PDE1A: variants seen among roughly 807,000 people sequenced by gnomAD.
PDE1A encodes phosphodiesterase 1A, also known as dual specificity calcium/calmodulin-dependent 3',5'-cyclic nucleotide phosphodiesterase 1A.
In PDE1A, 35 loss-of-function variants were observed where a neutral mutation model predicts 61.7. The observed-to-expected ratio is 0.57, with a 90% CI of 0.43 to 0.75. The LOEUF is 0.75. Among genes scored for constraint, PDE1A ranks in the 30% least tolerant of loss-of-function variants. The pLI, the probability that PDE1A is intolerant of heterozygous loss-of-function variation, is 0.00. For missense variants in PDE1A, 597 were observed against 630.6 expected (o/e 0.95, Z 0.57); for synonymous variants, 232 against 213.2 (o/e 1.09, Z -0.77).
chr2:182,532,542 T>G, the PDE1A span, among the ~76,000 whole-genome samples: 41 of 152,306 alleles, frequency 2.7e-4, no homozygotes, highest in Middle Eastern at 3.4e-3. Flanking sequence ...GGGGATTAAC[T>G]GTAAATGGAC....
At chr2:182,505,769 C>T (rs892465155) in intron 2 of PDE1A, among the ~76,000 whole-genome samples, 5 of 152,172 alleles carry the variant, frequency 3.3e-5, no homozygotes, top group African/African-American at 7.2e-5. Context: ...AAACAAGCTG[C>T]ATGGCCAAGA....
the PDE1A span, among the ~76,000 whole-genome samples, chr2:182,613,450 C>T: frequency 3.3e-5 from 5 of 151,682 alleles, no homozygotes; most frequent in Non-Finnish European, 5.9e-5. Context: ...GTAGTCCCAG[C>T]TACTTCGGAG....
At chr2:182,341,326 TG>T (rs1488572357) in intron 1 of PDE1A, among the ~76,000 whole-genome samples, 1 of 152,232 alleles carries the variant, frequency 6.6e-6, no homozygotes, top group Non-Finnish European at 1.5e-5. Context: ...ATCCTATTGA[TG>T]AAGTCATTTG....
the PDE1A span, among the ~76,000 whole-genome samples, chr2:182,578,114 T>G: frequency 6.6e-6 from 1 of 152,218 alleles, no homozygotes; most frequent in South Asian, 2.1e-4. Flanking sequence ...ACCATGAGCT[T>G]TGGTCTAGAA....
the PDE1A span, among the ~76,000 whole-genome samples, chr2:182,610,901 A>G: frequency 6.9e-4 from 105 of 152,376 alleles, no homozygotes; most frequent in South Asian, 2.1e-3. Flanking sequence ...AGAATAAAGT[A>G]AATTATATAA....
intron 2 of PDE1A, among the ~76,000 whole-genome samples, chr2:182,457,696 G>T (rs1472113790): frequency 1.3e-5 from 2 of 151,910 alleles, no homozygotes; most frequent in Non-Finnish European, 2.9e-5. Context: ...TTACAAAAAA[G>T]CATGTACAGA....
chr2:182,432,437 G>T (rs992648582), intron 2 of PDE1A, among the ~76,000 whole-genome samples: 10 of 151,812 alleles, frequency 6.6e-5, no homozygotes, highest in Non-Finnish European at 1.5e-4. Context: ...TGTTGTTGTT[G>T]TTGTTGTTGT....
chr2:182,710,209 C>T, the PDE1A span, among the ~76,000 whole-genome samples: 2 of 152,276 alleles, frequency 1.3e-5, no homozygotes, highest in African/African-American at 4.8e-5. Flanking sequence ...TTACCTTCTA[C>T]ATTTTTTAAA....
intron 13 of PDE1A, among the ~76,000 whole-genome samples, chr2:182,172,437 A>C (rs1692313283): frequency 6.6e-6 from 1 of 152,168 alleles, no homozygotes; most frequent in African/African-American, 2.4e-5. Context: ...TAGTTTTTAC[A>C]TTTGTAACAT....
the PDE1A span, among the ~76,000 whole-genome samples, chr2:182,671,919 G>A: frequency 6.6e-6 from 1 of 151,830 alleles, no homozygotes; most frequent in East Asian, 1.9e-4. Flanking sequence ...GTGCCCGGCC[G>A]TGACTTTCTA....
chr2:182,438,396 G>A (rs1684578985), intron 2 of PDE1A, among the ~76,000 whole-genome samples: 1 of 151,726 alleles, frequency 6.6e-6, no homozygotes, highest in Admixed American at 6.6e-5. Flanking sequence ...CATATGGAAA[G>A]GTAAATTTTG....
intron 1 of PDE1A, among the ~76,000 whole-genome samples, chr2:182,277,135 C>T (rs1469965665): frequency 6.6e-6 from 1 of 152,036 alleles, no homozygotes; most frequent in Non-Finnish European, 1.5e-5. Context: ...TCTTTGTTCT[C>T]CTTTTTTGCC....
chr2:182,353,998 G>A (rs1699036360), intron 1 of PDE1A, among the ~76,000 whole-genome samples: 1 of 151,894 alleles, frequency 6.6e-6, no homozygotes. Flanking sequence ...GCAACCATAA[G>A]ACTTTAGTCT....
intron 10 of PDE1A, among the ~76,000 whole-genome samples, chr2:182,198,244 A>T (rs1470178989): frequency 6.6e-6 from 1 of 151,928 alleles, no homozygotes; most frequent in Non-Finnish European, 1.5e-5. Context: ...TAATAAACTC[A>T]TTTATTAATT....
intron 1 of PDE1A, among the ~76,000 whole-genome samples, chr2:182,381,919 T>G (rs1006818342): frequency 3.9e-5 from 6 of 152,062 alleles, no homozygotes; most frequent in African/African-American, 1.4e-4. Flanking sequence ...TACTGAAACA[T>G]AGTCATTGTT....
chr2:182,217,339 A>G, intron 7 of PDE1A, among the ~76,000 whole-genome samples: 1 of 72,350 alleles, frequency 1.4e-5, no homozygotes, highest in African/African-American at 5.3e-5. Flanking sequence ...AGGCATTACC[A>G]TTCAGGACAT....
chr2:182,364,961 T>G (rs1699754608), intron 1 of PDE1A, among the ~76,000 whole-genome samples: 1 of 152,030 alleles, frequency 6.6e-6, no homozygotes, highest in Admixed American at 6.6e-5. Flanking sequence ...CCTTATCTGG[T>G]TTAGGCCTCC....
intron 1 of PDE1A, among the ~76,000 whole-genome samples, chr2:182,342,133 T>C: frequency 6.6e-6 from 1 of 152,206 alleles, no homozygotes. Flanking sequence ...AGAAATTTTG[T>C]GTTAAATGTT....
intron 1 of PDE1A, among the ~76,000 whole-genome samples, chr2:182,303,886 C>A (rs1049063381): frequency 6.9e-6 from 1 of 144,730 alleles, no homozygotes. Context: ...GAGATGGCTT[C>A]TTTTCTGTTT....
Sources: allele counts gnomAD v4.1 joint callset (sites outside exome capture counted in the v4.1 genomes callset), GRCh38; gene constraint gnomAD v4.1.1; transcripts MANE v1.5; gene names NCBI Gene and HGNC (gene_info 2026-07-23, HGNC 2026-07-21).